The following GPBP1 variants were observed in gnomAD, a reference collection of about 807,000 sequenced individuals.
GPBP1 encodes vasculin.
A neutral mutation model predicts 56.5 loss-of-function variants in GPBP1; 13 were observed. The observed-to-expected ratio is 0.23, with a 90% CI of 0.15 to 0.37. GPBP1 has a LOEUF of 0.37. Ranked by LOEUF, GPBP1 falls within the 10% of genes least tolerant of loss-of-function variation. GPBP1 has a pLI of 1.00. For synonymous variants in GPBP1, 204 were observed against 188.9 expected, an observed-to-expected ratio of 1.08 and a Z score of -0.66; for missense variants, 477 against 572.3, an observed-to-expected ratio of 0.83 and a Z score of 1.70.
intron 2 of GPBP1, among the ~76,000 whole-genome samples, chr5:57,183,694 CTA>C (rs1342255984): frequency 6.6e-6 from 1 of 151,052 alleles, no homozygotes; most frequent in Non-Finnish European, 1.5e-5. Context: ...AAATACTAGT[CTA>C]TGTTTTTGTA....
At chr5:57,215,469 T>A (rs1157550223) in intron 3 of GPBP1, among the ~76,000 whole-genome samples, 1 of 152,236 alleles carries the variant, frequency 6.6e-6, no homozygotes, top group East Asian at 1.9e-4. Flanking sequence ...TGCTCTATTG[T>A]TTTCATTAAT....
At chr5:57,182,268 G>C (rs1324196615) in intron 2 of GPBP1, among the ~76,000 whole-genome samples, 1 of 152,046 alleles carries the variant, frequency 6.6e-6, no homozygotes, top group Non-Finnish European at 1.5e-5. Context: ...ATTTTTAGTA[G>C]AGATGGGGTT....
chr5:57,204,375 G>A (rs1034191768), intron 2 of GPBP1, among the ~76,000 whole-genome samples: 1 of 151,882 alleles, frequency 6.6e-6, no homozygotes, highest in Non-Finnish European at 1.5e-5. Flanking sequence ...CCAGCCTCCT[G>A]AGTAGCTGGG....
intron 2 of GPBP1, among the ~76,000 whole-genome samples, chr5:57,178,725 G>T (rs1310618340): frequency 1.3e-5 from 2 of 152,224 alleles, no homozygotes; most frequent in Admixed American, 6.5e-5. Flanking sequence ...CGTTTTGACA[G>T]ATATTTTCAG....
chr5:57,194,679 A>C (rs1158801774), intron 2 of GPBP1, among the ~76,000 whole-genome samples: 1 of 151,896 alleles, frequency 6.6e-6, no homozygotes, highest in African/African-American at 2.4e-5. Context: ...CCCACTCCCC[A>C]GCCTCTAGTA....
chr5:57,234,301 G>A (rs935920082), intron 5 of GPBP1, among the ~76,000 whole-genome samples: 1 of 152,148 alleles, frequency 6.6e-6, no homozygotes, highest in African/African-American at 2.4e-5. Flanking sequence ...GAGGATAAAC[G>A]CATCTACCAA....
At chr5:57,219,403 ACCAAAAACAAACAAAC>A (rs371491867) in intron 3 of GPBP1, among the ~76,000 whole-genome samples, 1 of 60,054 alleles carries the variant, frequency 1.7e-5, no homozygotes, top group Non-Finnish European at 2.6e-5. Flanking sequence ...AAAAAAAAAA[ACCAAAAACAAACAAAC>A]AAAAAAAAAA....
intron 3 of GPBP1, among the ~76,000 whole-genome samples, chr5:57,225,335 A>C (rs1756132378): frequency 6.6e-6 from 1 of 151,536 alleles, no homozygotes; most frequent in Non-Finnish European, 1.5e-5. Context: ...TCTACTAAAA[A>C]TACAAAATAT....
rs140584199 is a variant in GPBP1, at chr5:57,250,459, C to T, written c.973-495C>T. Among the ~76,000 whole-genome samples the T allele has an allele frequency of 2.2e-4, 34 of 151,684 alleles. No individual in the cohort carries two copies. The East Asian group carries it at 5.2e-3, about 23-fold the overall frequency. On this transcript the variant is annotated intron_variant, in intron 9 of 11. Transcript: ENST00000506184. ...TGCATTTGTTGTATAGATATGAATACTTAGGGTAAGAAAGCTTTGGATATC... is the reference window on the plus strand; with the variant it reads ...TGCATTTGTTGTATAGATATGAATATTTAGGGTAAGAAAGCTTTGGATATC...
chr5:57,255,735 A>G (rs2111962674), intron 10 of GPBP1, among the ~76,000 whole-genome samples: 1 of 152,350 alleles, frequency 6.6e-6, no homozygotes, highest in East Asian at 1.9e-4. Flanking sequence ...CCATACCTTT[A>G]GAAAATGTTT....
At chr5:57,188,961 T>C (rs1754405392) in intron 2 of GPBP1, among the ~76,000 whole-genome samples, 1 of 152,144 alleles carries the variant, frequency 6.6e-6, no homozygotes, top group Non-Finnish European at 1.5e-5. Context: ...CCACTGCTAC[T>C]AGACTTGTAC....
rs1741996608 is a variant in GPBP1 at position 57,263,567 on chromosome 5, A to G, written c.*815A>G. The G allele has an allele frequency of 6.6e-6, 1 of 152,326 alleles. No homozygotes were observed. Among genetic ancestry groups the G allele is most frequent in the East Asian group, 1.9e-4 (1 of 5,192 alleles). 9.4% of individuals were successfully genotyped at this position (152,326 alleles called of 1,614,324 possible). Reference sequence around the variant, plus strand: ...ACTGGATCTGTCCACGACATGGAAAATAAACTGGATTTTCAGAATATTGTT... The same window carrying G: ...ACTGGATCTGTCCACGACATGGAAAGTAAACTGGATTTTCAGAATATTGTT... On this transcript the variant is annotated 3_prime_UTR_variant, in exon 12 of 12. Transcript: ENST00000506184.
intron 2 of GPBP1, among the ~76,000 whole-genome samples, chr5:57,210,108 AAACAT>A (rs1755409001): frequency 6.6e-6 from 1 of 152,192 alleles, no homozygotes; most frequent in African/African-American, 2.4e-5. Flanking sequence ...GTCAGAAATA[AAACAT>A]AACAAGAAAG....
chr5:57,231,345 C>T (rs1436239144), intron 5 of GPBP1, 24 bp downstream of exon 5: 1 of 1,571,464 alleles, frequency 6.4e-7, no homozygotes, highest in African/African-American at 1.4e-5. Context: ...GACTTTTATA[C>T]AAATGAAGTT....
At chr5:57,207,306 A>G (rs573883936) in intron 2 of GPBP1, among the ~76,000 whole-genome samples, 2 of 152,258 alleles carry the variant, frequency 1.3e-5, no homozygotes, top group East Asian at 1.9e-4. Flanking sequence ...TTATTTCTGT[A>G]CAAAAGAGAG....
In GPBP1 at chr5:57,246,152, G is replaced by T. The variant is rs1008577277; in HGVS notation, c.479-148G>T. 7 of 544,444 alleles carry T rather than the reference G, an allele frequency of 1.3e-5. No homozygotes were observed. The African/African-American group carries it at 1.3e-4, about 10-fold the overall frequency. 33.7% of individuals were successfully genotyped at this position (544,444 alleles called of 1,614,324 possible). ...TACTTGTTCAATTGGAATATAGTTTGTACTTTTTTAGTTTAGTTATTTTAC... is the reference window on the plus strand; with the variant it reads ...TACTTGTTCAATTGGAATATAGTTTTTACTTTTTTAGTTTAGTTATTTTAC... On this transcript the variant is annotated intron_variant, in intron 6 of 11. Coordinates refer to ENST00000506184, the MANE Select transcript of GPBP1 (RefSeq NM_022913.4).
intron 3 of GPBP1, among the ~76,000 whole-genome samples, chr5:57,227,539 A>G (rs1756250623): frequency 6.6e-6 from 1 of 152,162 alleles, no homozygotes; most frequent in Non-Finnish European, 1.5e-5. Flanking sequence ...AATCTTGACT[A>G]CACTTTGCAT....
At chr5:57,250,690 G>C (rs527279827) in intron 9 of GPBP1, among the ~76,000 whole-genome samples, 1 of 151,930 alleles carries the variant, frequency 6.6e-6, no homozygotes, top group South Asian at 2.1e-4. Context: ...CTACAGGCGT[G>C]TATCACCACG....
chr5:57,252,120 C>T (rs1469250107), intron 10 of GPBP1, among the ~76,000 whole-genome samples: 3 of 139,660 alleles, frequency 2.1e-5, no homozygotes, highest in African/African-American at 8.2e-5. Flanking sequence ...GTGCAATCAC[C>T]TCCCACCCAC....
Sources: gnomAD v4.1 joint callset for allele counts (sites outside exome capture counted in the v4.1 genomes callset) on GRCh38, gnomAD v4.1.1 for gene constraint, MANE v1.5 for transcripts, NCBI Gene and HGNC (gene_info 2026-07-23, HGNC 2026-07-21) for gene names.